SLC39A11: variants seen among roughly 807,000 people sequenced by gnomAD.
SLC39A11 encodes the protein solute carrier family 39 member 11.
In SLC39A11, 33 loss-of-function variants were observed where a neutral mutation model predicts 36.1. That is an observed-to-expected ratio of 0.91 (90% CI 0.69 to 1.22). The LOEUF is 1.22. SLC39A11 is among the 50% of genes most tolerant of loss of function. The pLI, the probability that SLC39A11 is intolerant of heterozygous loss-of-function variation, is 0.00. For missense variants in SLC39A11, 432 were observed against 430.3 expected, an observed-to-expected ratio of 1.00 and a Z score of -0.03; for synonymous variants, 166 against 170.3, an observed-to-expected ratio of 0.97 and a Z score of 0.20.
At chr17:72,909,297 T>C (rs2147076480) in intron 5 of SLC39A11, among the ~76,000 whole-genome samples, 1 of 152,288 alleles carries the variant, frequency 6.6e-6, no homozygotes, top group South Asian at 2.1e-4. Flanking sequence ...ACTGGTCCAG[T>C]AGGTATGAAG....
At chr17:72,976,018 A>C (rs1277276911) in intron 4 of SLC39A11, among the ~76,000 whole-genome samples, 4 of 151,814 alleles carry the variant, frequency 2.6e-5, no homozygotes, top group Non-Finnish European at 4.4e-5. Context: ...AAAATACAAA[A>C]AATTAGCCGG....
At chr17:72,973,541 G>C (rs1326957917) in intron 4 of SLC39A11, among the ~76,000 whole-genome samples, 1 of 152,200 alleles carries the variant, frequency 6.6e-6, no homozygotes, top group Non-Finnish European at 1.5e-5. Context: ...AGTTCTGTTA[G>C]AAAGACAAAA....
intron 3 of SLC39A11, among the ~76,000 whole-genome samples, chr17:73,049,653 T>A (rs1367533330): frequency 6.6e-6 from 1 of 152,194 alleles, no homozygotes; most frequent in Non-Finnish European, 1.5e-5. Context: ...GCAGCATTAA[T>A]AAATTCTGCA....
At chr17:72,990,729 A>G (rs1054068204) in intron 4 of SLC39A11, among the ~76,000 whole-genome samples, 3 of 152,090 alleles carry the variant, frequency 2.0e-5, no homozygotes, top group African/African-American at 7.2e-5. Flanking sequence ...TGCCTGTCCC[A>G]TATCAGGATT....
intron 5 of SLC39A11, among the ~76,000 whole-genome samples, chr17:72,851,499 T>A (rs1412591938): frequency 1.3e-5 from 2 of 152,222 alleles, no homozygotes; most frequent in Admixed American, 6.5e-5. Flanking sequence ...AACTCAGGTG[T>A]CTGTTAAATT....
intron 7 of SLC39A11, among the ~76,000 whole-genome samples, chr17:72,686,788 A>T (rs1209619238): frequency 6.6e-6 from 1 of 152,220 alleles, no homozygotes; most frequent in Non-Finnish European, 1.5e-5. Flanking sequence ...CCCTTGCAGT[A>T]AAAGATTTAA....
chr17:72,909,452 C>A (rs894727924), intron 5 of SLC39A11, among the ~76,000 whole-genome samples: 3 of 152,202 alleles, frequency 2.0e-5, no homozygotes, highest in East Asian at 3.8e-4. Context: ...GGTCTCCATG[C>A]AACACGCTCT....
At chr17:72,933,881 C>T (rs902410618) in intron 5 of SLC39A11, among the ~76,000 whole-genome samples, 10 of 152,026 alleles carry the variant, frequency 6.6e-5, no homozygotes, top group African/African-American at 9.7e-5. Flanking sequence ...AGAAAGGATA[C>T]GCACAAAAAC....
chr17:72,721,258 G>A (rs1422910812), intron 7 of SLC39A11, among the ~76,000 whole-genome samples: 6 of 151,974 alleles, frequency 3.9e-5, no homozygotes, highest in African/African-American at 9.7e-5. Flanking sequence ...CACCATGTCC[G>A]GCTAATTTTT....
chr17:72,984,063 T>A (rs1390612843), intron 4 of SLC39A11, among the ~76,000 whole-genome samples: 1 of 152,176 alleles, frequency 6.6e-6, no homozygotes, highest in Non-Finnish European at 1.5e-5. Context: ...AGGTTTCTCA[T>A]GGCTCAGAGT....
intron 7 of SLC39A11, among the ~76,000 whole-genome samples, chr17:72,683,395 G>T (rs1014278672): frequency 1.3e-5 from 2 of 150,770 alleles, no homozygotes; most frequent in Admixed American, 1.3e-4. Flanking sequence ...GAGTGCAGTG[G>T]CACAGTCACG....
At chr17:72,761,672 G>A (rs1032814181) in intron 6 of SLC39A11, among the ~76,000 whole-genome samples, 12 of 152,326 alleles carry the variant, frequency 7.9e-5, no homozygotes, top group African/African-American at 2.6e-4. Flanking sequence ...GTTTTGAACC[G>A]TGTCTGTCAA....
At chr17:72,883,283 C>A (rs1389252630) in intron 5 of SLC39A11, among the ~76,000 whole-genome samples, 1 of 152,174 alleles carries the variant, frequency 6.6e-6, no homozygotes, top group Non-Finnish European at 1.5e-5. Flanking sequence ...TACCTACCCT[C>A]ACAGGCCTGG....
chr17:72,885,252 C>T (rs2081386657), intron 5 of SLC39A11, among the ~76,000 whole-genome samples: 2 of 152,194 alleles, frequency 1.3e-5, no homozygotes, highest in Non-Finnish European at 2.9e-5. Flanking sequence ...TCCTATGAAG[C>T]TTGGAACGTC....
intron 4 of SLC39A11, among the ~76,000 whole-genome samples, chr17:72,961,035 A>T (rs1430245313): frequency 6.6e-6 from 1 of 152,222 alleles, no homozygotes; most frequent in African/African-American, 2.4e-5. Context: ...GGTGAGAGAG[A>T]GTGTGTGCAC....
At position 73,081,670 on chromosome 17, in the gene SLC39A11, C is replaced by CAT. The variant is rs1334829443; in HGVS notation, c.147+3136_147+3137dup. Among the ~76,000 whole-genome samples, 47 of 82,228 alleles carry CAT rather than the reference C, an allele frequency of 5.7e-4. No homozygotes were observed. In the East Asian group the frequency reaches 0.015, roughly 26 times the overall value. The allele number at this position is 82,228 out of a possible 152,430, so 53.9% of individuals were successfully genotyped here. A position where few individuals can be genotyped will look rare whatever the true frequency, so the allele number is the denominator to read the frequency against. ...ACACACACACACACACACACACACA[C>CAT]ATATATATACACATATATGTATATA... On this transcript the variant is annotated intron_variant, in intron 3 of 9. Coordinates refer to ENST00000255559, the MANE Select transcript of SLC39A11 (RefSeq NM_139177.4).
Position 72,658,194 on chromosome 17 carries a change from G to T in SLC39A11, c.672-8926C>A, listed in dbSNP as rs183867047. Among the ~76,000 whole-genome samples, 931 of 132,246 alleles carry T rather than the reference G, an allele frequency of 7.0e-3. 33 individuals are homozygous for T. The highest frequency in any genetic ancestry group is 0.063 in the Admixed American group (863 of 13,774). The allele number at this position is 132,246 out of a possible 152,430, so 86.8% of individuals were successfully genotyped here. On this transcript the variant is annotated intron_variant, in intron 7 of 9. Transcript: ENST00000255559. ...GATGGAGGGGGGCTGGGCCCACAAG[G>T]GGTGCCAAGGGAGTGTAGGCGGGGG...
chr17:72,847,937 T>C (rs2079125033), intron 6 of SLC39A11, among the ~76,000 whole-genome samples: 1 of 152,090 alleles, frequency 6.6e-6, no homozygotes, highest in Non-Finnish European at 1.5e-5. Context: ...ACTCAGAAAA[T>C]GTATCACCCA....
chr17:72,919,967 T>C (rs916167723), intron 5 of SLC39A11, among the ~76,000 whole-genome samples: 1 of 152,186 alleles, frequency 6.6e-6, no homozygotes, highest in African/African-American at 2.4e-5. Flanking sequence ...GCCTGAATGA[T>C]GTTTGAGATC....
Sources: allele counts gnomAD v4.1 joint callset (sites outside exome capture counted in the v4.1 genomes callset), GRCh38; gene constraint gnomAD v4.1.1; transcripts MANE v1.5; gene names NCBI Gene and HGNC (gene_info 2026-07-23, HGNC 2026-07-21).